The following IRX1 variants were observed in gnomAD, a reference collection of about 807,000 sequenced individuals.
IRX1 encodes the protein iroquois-class homeodomain protein IRX-1.
A neutral mutation model predicts 34.1 loss-of-function variants in IRX1; 22 were observed. The observed-to-expected ratio is 0.64, with a 90% CI of 0.46 to 0.92. IRX1 has a LOEUF of 0.92. Ranked by LOEUF, IRX1 falls within the 40% of genes least tolerant of loss-of-function variation. The pLI is 0.00. For synonymous variants in IRX1, 363 were observed against 319.0 expected, an observed-to-expected ratio of 1.14 and a Z score of -1.47; for missense variants, 758 against 680.0, an observed-to-expected ratio of 1.11 and a Z score of -1.28.
At position 3,599,862 on chromosome 5, in the gene IRX1, G is replaced by A. The variant is rs987027079; in HGVS notation, c.914G>A (p.Gly305Asp). 2.4e-5 allele frequency: 37 copies of A among 1,516,982 alleles called. No homozygotes were observed. Among genetic ancestry groups the A allele is most frequent in the Non-Finnish European group, 3.3e-5 (37 of 1,136,910 alleles). The allele number at this position is 1,516,982 out of a possible 1,614,324, so 94.0% of individuals were successfully genotyped here. A position where few individuals can be genotyped will look rare whatever the true frequency, so the allele number is the denominator to read the frequency against. ...CTGAGCCCCGGCGCTGCAGCGGGCG[G>A]CCTGCAGGGTGCGCCGCACGGCAAG... ...RLLSPGAAAG[G>D]LQGAPHGKPK... is the part of the protein sequence containing the mutation. The change falls in exon 2 of 4, where the codon GGC becomes GAC. Residue 305 changes from glycine to aspartate, a missense_variant. Coordinates refer to ENST00000302006, the MANE Select transcript of IRX1 (RefSeq NM_024337.4). This position sits in a 1 kb window ranked among gnomAD's most constrained non-coding sequence, Gnocchi z 6.6.
chr5:3,596,110 C>T lies in IRX1; in HGVS notation c.5C>T (p.Ser2Phe). ...GCGGTCGCCGAGTCCGCGGACATGT[C>T]CTTCCCGCAGCTGGGCTACCCGCAG... is the stretch of plus-strand genomic sequence containing the variant. Reference protein sequence around the residue: MSFPQLGYPQYL... With the variant: MFFPQLGYPQYL... Residue 2 changes from serine to phenylalanine, a missense_variant, in exon 1 of 4, where the codon TCC becomes TTC. Around this residue, in one of 3 missense-constraint regions of IRX1, gnomAD observed 195 missense variants for 195.0 expected, o/e 1.00. Coordinates refer to ENST00000302006, the MANE Select transcript of IRX1 (RefSeq NM_024337.4). The T allele has an allele frequency of 7.5e-6, 8 of 1,061,202 alleles. No individual in the cohort carries two copies. The highest frequency in any genetic ancestry group is 9.1e-6 in the Non-Finnish European group (8 of 878,968). 65.7% of individuals were successfully genotyped at this position (1,061,202 alleles called of 1,614,324 possible).
intron 1 of IRX1, among the ~76,000 whole-genome samples, chr5:3,596,871 A>G (rs959440072): frequency 2.0e-5 from 3 of 152,134 alleles, no homozygotes; most frequent in African/African-American, 7.2e-5. Flanking sequence ...CAGCTCCGAG[A>G]TAGTTGTATC....
rs1444075028 is a variant in IRX1, at chr5:3,599,764, C to T, written c.816C>T (p.Ala272=). The change falls in exon 2 of 4, where the codon GCC becomes GCT. Residue 272 remains alanine (A), a synonymous_variant. Coordinates refer to ENST00000302006, the MANE Select transcript of IRX1 (RefSeq NM_024337.4). This position sits in a 1 kb window ranked among gnomAD's most constrained non-coding sequence, Gnocchi z 6.6. ...ARDQGSPLAA[A]DVLKPQDSPL... ...ACCAAGGCTCGCCGCTGGCAGCAGC[C>T]GACGTTCTCAAGCCCCAGGACTCGC... The T allele has an allele frequency of 1.9e-6, 3 of 1,609,634 alleles. No homozygotes were observed. The highest frequency in any genetic ancestry group is 2.7e-5 in the African/African-American group (2 of 74,888).
rs1554009080 is a variant in IRX1, at chr5:3,596,318, G to T, written c.213G>T (p.Ala71=). ...LGMYAAAGPY[A]GAPNYSAFLP... ...TGTACGCGGCGGCGGGGCCGTACGC[G>T]GGCGCGCCCAACTACAGCGCCTTCC... Residue 71 remains alanine (A), a synonymous_variant, in exon 1 of 4, where the codon GCG becomes GCT. Coordinates refer to ENST00000302006, the MANE Select transcript of IRX1 (RefSeq NM_024337.4). 4 of 1,496,594 alleles carry T rather than the reference G, an allele frequency of 2.7e-6. No homozygotes were observed. The highest frequency in any genetic ancestry group is 3.6e-6 in the Non-Finnish European group (4 of 1,126,130). 92.7% of individuals were successfully genotyped at this position (1,496,594 alleles called of 1,614,324 possible).
In IRX1 at chr5:3,596,401, C is replaced by T. The variant is rs780178806; in HGVS notation, c.276+20C>T. Reference sequence around the variant, plus strand: ...CAGATGGTGAGTGCGCCCGGCCTCCCCCGCTTCTCCTCTGTCTCACCCGCG... The same window carrying T: ...CAGATGGTGAGTGCGCCCGGCCTCCTCCGCTTCTCCTCTGTCTCACCCGCG... On this transcript the variant is annotated intron_variant, in intron 1 of 3. Transcript: ENST00000302006. 3 of 1,491,948 alleles carry T rather than the reference C, an allele frequency of 2.0e-6. No individual in the cohort carries two copies. The highest frequency in any genetic ancestry group is 2.4e-4 in the Middle Eastern group (1 of 4,232). 92.4% of individuals were successfully genotyped at this position (1,491,948 alleles called of 1,614,324 possible). A position where few individuals can be genotyped will look rare whatever the true frequency, so the allele number is the denominator to read the frequency against.
chr5:3,600,856 C>A, intron 3 of IRX1, 127 bp from the exon 4 acceptor site: 1 of 1,214,680 alleles, frequency 8.2e-7, no homozygotes, highest in Non-Finnish European at 1.2e-6. Flanking sequence ...AGTTTCTCCC[C>A]AGCCGGGAGC....
chr5:3,599,349 C>T lies in IRX1; in HGVS notation c.401C>T (p.Ala134Val). Residue 134 changes from alanine to valine, a missense_variant, in exon 2 of 4, where the codon GCC (alanine) becomes GTC (valine). Ala to Val is a moderately conservative substitution (Grantham distance 64, BLOSUM62 0). This residue lies in a region of IRX1 where 195 missense variants were observed against 195.0 expected (regional missense o/e 1.00). Coordinates refer to ENST00000302006, the MANE Select transcript of IRX1 (RefSeq NM_024337.4). This position sits in a 1 kb window ranked among gnomAD's most constrained non-coding sequence, Gnocchi z 6.6. ...GGGGACCCCGGGCGGCCCAAGAACG[C>T]CACCCGCGAGAGCACCAGCACGCTC... ...QYGDPGRPKN[A>V]TRESTSTLKA... 2.5e-6 allele frequency: 4 copies of T among 1,614,100 alleles called. No homozygotes were observed. The highest frequency in any genetic ancestry group is 2.5e-6 in the Non-Finnish European group (3 of 1,180,032).
Position 3,599,980 on chromosome 5 carries a change from C to T in IRX1, c.1032C>T (p.His344=), listed in dbSNP as rs374559617. The change falls in exon 2 of 4, where the codon CAC becomes CAT. Residue 344 remains histidine, a synonymous_variant. Coordinates refer to ENST00000302006, the MANE Select transcript of IRX1 (RefSeq NM_024337.4). This position sits in a 1 kb window ranked among gnomAD's most constrained non-coding sequence, Gnocchi z 6.6. ...PPPPAGHPGA[H]GPSAGAPLQH... ...CACCCGCGGGCCACCCCGGCGCGCA[C>T]GGGCCCTCCGCCGGGGCGCCGCTGC... The T allele has an allele frequency of 4.0e-6, 6 of 1,511,668 alleles. No homozygotes were observed. Among genetic ancestry groups the T allele is most frequent in the South Asian group, 2.5e-5 (2 of 78,720 alleles). The allele number at this position is 1,511,668 out of a possible 1,614,324, so 93.6% of individuals were successfully genotyped here.
chr5:3,600,843 T>C, intron 3 of IRX1, 140 bp from the exon 4 acceptor site: 2 of 1,154,376 alleles, frequency 1.7e-6, no homozygotes, highest in Non-Finnish European at 2.6e-6. Flanking sequence ...CCGAGGAGAC[T>C]GGAGTTTCTC....
rs984222475 is a variant in IRX1, at chr5:3,601,136, T to A, written c.*96T>A. ...TTAAGACAAATATTTCAGACTGGTG[T>A]AAAGGACAAATATGACAACGACGTC... On this transcript the variant is annotated 3_prime_UTR_variant, in exon 4 of 4. Coordinates refer to ENST00000302006, the MANE Select transcript of IRX1 (RefSeq NM_024337.4). The A allele has an allele frequency of 8.7e-7, 1 of 1,152,168 alleles. No individual in the cohort carries two copies. Among genetic ancestry groups the A allele is most frequent in the Non-Finnish European group, 1.3e-6 (1 of 776,868 alleles). The allele number at this position is 1,152,168 out of a possible 1,614,324, so 71.4% of individuals were successfully genotyped here. A position where few individuals can be genotyped will look rare whatever the true frequency, so the allele number is the denominator to read the frequency against.
rs1188872668 is a variant in IRX1 at position 3,600,607 on chromosome 5, A to C, written c.1313-2A>C. ...AACTCTGCCTCTTCCGATCTCTCGC[A>C]GAGAGAGACCTCGTCCCCAGGCCAG... On this transcript the variant is annotated splice_acceptor_variant, in intron 2 of 3. Coordinates refer to ENST00000302006, the MANE Select transcript of IRX1 (RefSeq NM_024337.4). LOFTEE classifies it high-confidence loss of function. 1 of 1,612,402 alleles carries C rather than the reference A, an allele frequency of 6.2e-7. No individual in the cohort carries two copies. The highest frequency in any genetic ancestry group is 2.2e-5 in the East Asian group (1 of 44,856).
At chr5:3,598,897 C>T (rs1733866063) in intron 1 of IRX1, among the ~76,000 whole-genome samples, 1 of 152,180 alleles carries the variant, frequency 6.6e-6, no homozygotes, top group Non-Finnish European at 1.5e-5. Flanking sequence ...CTTGCAGGGG[C>T]CGCGGCCTCT....
rs1345038693 is a variant in IRX1, at chr5:3,596,228, C to A, written c.123C>A (p.Gly41=). 1 of 1,133,970 alleles carries A rather than the reference C, an allele frequency of 8.8e-7. No homozygotes were observed. The highest frequency in any genetic ancestry group is 1.1e-6 in the Non-Finnish European group (1 of 926,168). 70.2% of individuals were successfully genotyped at this position (1,133,970 alleles called of 1,614,324 possible). A position where few individuals can be genotyped will look rare whatever the true frequency, so the allele number is the denominator to read the frequency against. ...CGGCGGCTGCCGCCGCCTCGTCGGGCCGACCGGGGGCCGCGGAGCTGGGCG... is the reference window on the plus strand; with the variant it reads ...CGGCGGCTGCCGCCGCCTCGTCGGGACGACCGGGGGCCGCGGAGCTGGGCG... ...AAAAAAAASS[G]RPGAAELGGG... The change falls in exon 1 of 4, where the codon GGC becomes GGA. Residue 41 remains glycine (G), a synonymous_variant. Transcript: ENST00000302006.
chr5:3,598,969 C>T (rs1415612338), intron 1 of IRX1, among the ~76,000 whole-genome samples: 2 of 152,036 alleles, frequency 1.3e-5, no homozygotes, highest in African/African-American at 4.8e-5. Context: ...AAAACGATCT[C>T]CACTGTCGGT....
Position 3,599,848 on chromosome 5 carries a change from C to A in IRX1, c.900C>A (p.Gly300=). The A allele has an allele frequency of 1.3e-6, 2 of 1,535,884 alleles. No individual in the cohort carries two copies. The highest frequency in any genetic ancestry group is 1.7e-6 in the Non-Finnish European group (2 of 1,144,440). The change falls in exon 2 of 4, where the codon GGC becomes GGA. Residue 300 remains glycine, a synonymous_variant. Coordinates refer to ENST00000302006, the MANE Select transcript of IRX1 (RefSeq NM_024337.4). This position sits in a 1 kb window ranked among gnomAD's most constrained non-coding sequence, Gnocchi z 6.6. ...GCAGCACGCGCCTGCTGAGCCCCGG[C>A]GCTGCAGCGGGCGGCCTGCAGGGTG... The part of the protein sequence containing the change: ...EPGSTRLLSP[G]AAAGGLQGAP...
chr5:3,596,503 C>A, intron 1 of IRX1, 122 bp downstream of exon 1: 2 of 1,050,504 alleles, frequency 1.9e-6, no homozygotes, highest in Non-Finnish European at 2.4e-6. Context: ...CTAGAAAGGT[C>A]CGGGGGCAGG....
chr5:3,597,339 G>A (rs924074246), intron 1 of IRX1, among the ~76,000 whole-genome samples: 1 of 152,194 alleles, frequency 6.6e-6, no homozygotes. Flanking sequence ...TGTGCGGCGG[G>A]CGCGGGGCCC....
rs764264692 is a variant in IRX1, at chr5:3,601,078, G to GA, written c.*39dup. ...TTTTACTTTTGCGGGGGGGAGGGGG[G>GA]AGGAGTTGGGGAGGGAGGGAATGTG... On this transcript the variant is annotated 3_prime_UTR_variant, in exon 4 of 4. Transcript: ENST00000302006. The GA allele has an allele frequency of 6.0e-5, 87 of 1,456,510 alleles. No individual in the cohort carries two copies. Among genetic ancestry groups the GA allele is most frequent in the Non-Finnish European group, 7.8e-5 (82 of 1,044,688 alleles). 90.2% of individuals were successfully genotyped at this position (1,456,510 alleles called of 1,614,324 possible). A position where few individuals can be genotyped will look rare whatever the true frequency, so the allele number is the denominator to read the frequency against.
In IRX1 at chr5:3,599,150, GTCTC is replaced by G. The variant is rs369861627; in HGVS notation, c.277-62_277-59del. The G allele has an allele frequency of 1.1e-5, 15 of 1,344,382 alleles. No individual in the cohort carries two copies. Among genetic ancestry groups the G allele is most frequent in the South Asian group, 2.9e-5 (2 of 68,308 alleles). 83.3% of individuals were successfully genotyped at this position (1,344,382 alleles called of 1,614,324 possible). ...CCACTCTCCCGTCTTGGGGACTCAT[GTCTC>G]TCTCTCTCTCTCCCTTTCTCTCTCC... On this transcript the variant is annotated intron_variant, in intron 1 of 3. Transcript: ENST00000302006. This position sits in a 1 kb window ranked among gnomAD's most constrained non-coding sequence, Gnocchi z 6.6.
Sources: gnomAD v4.1 joint callset for allele counts (sites outside exome capture counted in the v4.1 genomes callset) on GRCh38, gnomAD v4.1.1 for gene constraint, gnomAD v4.1.1 regional missense constraint, Gnocchi (gnomAD v3.1) non-coding constraint, MANE v1.5 for transcripts, NCBI Gene and HGNC (gene_info 2026-07-23, HGNC 2026-07-21) for gene names.